The following SNX18 variants were observed in gnomAD, a reference collection of about 807,000 sequenced individuals.
SNX18 encodes sorting nexin-18.
SNX18 carries 35 observed loss-of-function variants against 48.7 expected under a neutral mutation model. The observed-to-expected ratio is 0.72, with a 90% CI of 0.55 to 0.95. SNX18 has a LOEUF of 0.95. SNX18 is among the 40% of genes least tolerant of loss of function. The probability of loss-of-function intolerance (pLI) is 0.00; values close to 1 mark genes in which losing one functional copy is unlikely to be tolerated. For missense variants in SNX18, 824 were observed against 871.0 expected (o/e 0.95, Z 0.68); for synonymous variants, 492 against 384.7 (o/e 1.28, Z -3.26).
the SNX18 span, among the ~76,000 whole-genome samples, chr5:54,582,366 A>G: frequency 1.3e-5 from 2 of 152,216 alleles, no homozygotes; most frequent in Non-Finnish European, 2.9e-5. Context: ...AAGACATCCC[A>G]TGAGCATTGA....
Position 54,543,323 on chromosome 5 carries a change from T to C in SNX18, c.1766T>C (p.Val589Ala), listed in dbSNP as rs1335047443. The change falls in exon 2 of 2, where the codon GTG (valine) becomes GCG (alanine). Residue 589 changes from valine (V) to alanine (A), a missense_variant. By Grantham distance (64) the Val-to-Ala change is moderately conservative (BLOSUM62 0). Around this residue, in one of 3 missense-constraint regions of SNX18, gnomAD observed 443 missense variants for 503.6 expected, o/e 0.88. Coordinates refer to ENST00000381410, the MANE Select transcript of SNX18 (RefSeq NM_001102575.2). ...ATTCACCACTTCCATCAAATTCGAG[T>C]GAGAGACTTTAAATCACAGATGCAG... Reference protein sequence around the residue: ...AEIHHFHQIRVRDFKSQMQHF... With the variant: ...AEIHHFHQIRARDFKSQMQHF... 4 of 1,614,000 alleles carry C rather than the reference T, an allele frequency of 2.5e-6. No individual in the cohort carries two copies. The highest frequency in any genetic ancestry group is 2.2e-5 in the East Asian group (1 of 44,886).
chr5:54,596,356 T>C, the SNX18 span, among the ~76,000 whole-genome samples: 1 of 152,194 alleles, frequency 6.6e-6, no homozygotes, highest in Non-Finnish European at 1.5e-5. Flanking sequence ...TCTTTGGGAA[T>C]AATGAGAGCA....
chr5:54,533,195 A>G (rs1047816724), intron 1 of SNX18, among the ~76,000 whole-genome samples: 1 of 152,072 alleles, frequency 6.6e-6, no homozygotes, highest in African/African-American at 2.4e-5. Flanking sequence ...GTCATTTATT[A>G]TATTTATGAA....
At chr5:54,593,711 A>C in the SNX18 span, among the ~76,000 whole-genome samples, 2 of 152,212 alleles carry the variant, frequency 1.3e-5, no homozygotes, top group South Asian at 4.1e-4. Context: ...CTACTGAAAA[A>C]ACTATTCTTA....
chr5:54,518,372 C>T lies in SNX18; in HGVS notation c.420C>T (p.Leu140=), dbSNP rs775584592. 4 of 1,565,270 alleles carry T rather than the reference C, an allele frequency of 2.6e-6. No individual in the cohort carries two copies. The South Asian group carries it at 3.5e-5, about 14-fold the overall frequency. ...CCCTGCAGCCGTCGCCTCAGCAGCT[C>T]TACGGCGGCTACCAGGCCAGCCAAG... ...GGALQPSPQQ[L]YGGYQASQGS... The change falls in exon 1 of 2, where the codon CTC becomes CTT. Residue 140 remains leucine, a synonymous_variant. Transcript: ENST00000381410.
intron 1 of SNX18, among the ~76,000 whole-genome samples, chr5:54,528,287 C>CTGAGCTCATGTGTAGAGCAGTAGGTACT (rs2112844887): frequency 6.6e-6 from 1 of 152,284 alleles, no homozygotes; most frequent in South Asian, 2.1e-4. Flanking sequence ...ACACGGAGCA[C>CTGAGCTCATGTGTAGAGCAGTAGGTACT]TGAGCTCATG....
intron 1 of SNX18, among the ~76,000 whole-genome samples, chr5:54,541,547 G>A (rs1762470675): frequency 6.6e-6 from 1 of 152,078 alleles, no homozygotes; most frequent in African/African-American, 2.4e-5. Flanking sequence ...TAGTAGAACT[G>A]GGACAGGGGT....
the SNX18 span, among the ~76,000 whole-genome samples, chr5:54,617,950 A>G: frequency 6.6e-6 from 1 of 152,040 alleles, no homozygotes. Flanking sequence ...AAATTGGGGG[A>G]TGCGAGGATT....
chr5:54,567,658 A>G, the SNX18 span, among the ~76,000 whole-genome samples: 1 of 152,218 alleles, frequency 6.6e-6, no homozygotes, highest in Non-Finnish European at 1.5e-5. Flanking sequence ...CACCTAAGTC[A>G]TTAACTTGAA....
chr5:54,562,839 T>C, the SNX18 span, among the ~76,000 whole-genome samples: 1 of 152,244 alleles, frequency 6.6e-6, no homozygotes, highest in African/African-American at 2.4e-5. Flanking sequence ...TCACAGGAGA[T>C]GACAGCTCCA....
chr5:54,605,770 C>T, the SNX18 span, among the ~76,000 whole-genome samples: 1 of 152,170 alleles, frequency 6.6e-6, no homozygotes, highest in Non-Finnish European at 1.5e-5. Context: ...AGGGATCCTC[C>T]TGCCTCAGCC....
chr5:54,625,259 G>T, the SNX18 span, among the ~76,000 whole-genome samples: 1 of 152,122 alleles, frequency 6.6e-6, no homozygotes, highest in Non-Finnish European at 1.5e-5. Context: ...CACAACTTCT[G>T]TGGGTCAGAA....
At chr5:54,611,008 A>G in the SNX18 span, among the ~76,000 whole-genome samples, 1 of 152,204 alleles carries the variant, frequency 6.6e-6, no homozygotes, top group South Asian at 2.1e-4. Context: ...CTAATCCAGA[A>G]CAGAACAGAC....
the SNX18 span, among the ~76,000 whole-genome samples, chr5:54,592,831 C>T: frequency 6.6e-6 from 1 of 152,170 alleles, no homozygotes. Flanking sequence ...GATGGAGTCT[C>T]ACTCTGTCAT....
At chr5:54,530,884 T>A (rs1762243302) in intron 1 of SNX18, among the ~76,000 whole-genome samples, 1 of 151,138 alleles carries the variant, frequency 6.6e-6, no homozygotes, top group Non-Finnish European at 1.5e-5. Context: ...CCTGAGTAGC[T>A]GGGATTATAG....
the SNX18 span, among the ~76,000 whole-genome samples, chr5:54,635,908 C>A: frequency 1.3e-5 from 2 of 152,176 alleles, no homozygotes; most frequent in African/African-American, 4.8e-5. Context: ...GGGAAACCTA[C>A]CTAGAGCATC....
chr5:54,583,693 A>G, the SNX18 span, among the ~76,000 whole-genome samples: 7 of 152,366 alleles, frequency 4.6e-5, no homozygotes, highest in African/African-American at 1.7e-4. Flanking sequence ...ATAAAATAAG[A>G]TATGTAGAAC....
chr5:54,561,133 C>T, the SNX18 span, among the ~76,000 whole-genome samples: 1 of 152,174 alleles, frequency 6.6e-6, no homozygotes, highest in Non-Finnish European at 1.5e-5. Context: ...ACCTCTGCCT[C>T]CTGGGTTTAA....
In SNX18 at chr5:54,543,381, A is replaced by G; in HGVS notation, c.1824A>G (p.Gln608=). Residue 608 remains glutamine, a synonymous_variant, in exon 2 of 2, where the codon CAA becomes CAG. Coordinates refer to ENST00000381410, the MANE Select transcript of SNX18 (RefSeq NM_001102575.2). The part of the protein sequence containing the change: ...HFLQQQIIFF[Q]KVTQKLEEAL... ...TACAACAACAAATAATATTTTTCCA[A>G]AAAGTTACCCAGAAGTTGGAAGAAG... 1 of 1,614,188 alleles carries G rather than the reference A, an allele frequency of 6.2e-7. No homozygotes were observed. Among genetic ancestry groups the G allele is most frequent in the East Asian group, 2.2e-5 (1 of 44,878 alleles).
Sources: gnomAD v4.1 joint callset for allele counts (sites outside exome capture counted in the v4.1 genomes callset) on GRCh38, gnomAD v4.1.1 for gene constraint, gnomAD v4.1.1 regional missense constraint, MANE v1.5 for transcripts, NCBI Gene and HGNC (gene_info 2026-07-23, HGNC 2026-07-21) for gene names.